Variants in DLG2 observed in about 807,000 individuals in gnomAD.
DLG2 encodes the protein disks large homolog 2.
A neutral mutation model predicts 132.5 loss-of-function variants in DLG2; 45 were observed. The observed-to-expected ratio is 0.34, with a 90% CI of 0.27 to 0.44. The LOEUF is 0.44. DLG2 is among the 20% of genes least tolerant of loss of function. DLG2 has a pLI of 1.00. For missense variants in DLG2, 1,045 were observed against 1,196.9 expected, an observed-to-expected ratio of 0.87 and a Z score of 1.87; for synonymous variants, 424 against 419.6, an observed-to-expected ratio of 1.01 and a Z score of -0.13.
At chr11:83,912,803 C>T (rs185607939) in intron 15 of DLG2, among the ~76,000 whole-genome samples, 1 of 152,124 alleles carries the variant, frequency 6.6e-6, no homozygotes, top group Non-Finnish European at 1.5e-5. Context: ...TGAATCAGCT[C>T]AACTCTATGG....
In DLG2 at chr11:83,457,671, G is replaced by A. The variant is rs1025763314; in HGVS notation, c.*2147C>T. ...CAGTTGAGAAACCAAAGAAGTTATC[G>A]TGGTGGCCTAAAAATAGAGCTGGGA... On this transcript the variant is annotated 3_prime_UTR_variant, in exon 28 of 28. Coordinates refer to ENST00000376104, the MANE Select transcript of DLG2 (RefSeq NM_001142699.3). 7 of 152,304 alleles carry A rather than the reference G, an allele frequency of 4.6e-5. No individual in the cohort carries two copies. Among genetic ancestry groups the A allele is most frequent in the South Asian group, 4.1e-4 (2 of 4,822 alleles). 9.4% of individuals were successfully genotyped at this position (152,304 alleles called of 1,614,324 possible).
chr11:84,149,139 T>A (rs1272850382), intron 9 of DLG2, among the ~76,000 whole-genome samples: 1 of 152,178 alleles, frequency 6.6e-6, no homozygotes, highest in Non-Finnish European at 1.5e-5. Context: ...AGATGTATAG[T>A]TTGCAGATTT....
chr11:84,158,133 G>C (rs979461292), intron 9 of DLG2, among the ~76,000 whole-genome samples: 1 of 151,350 alleles, frequency 6.6e-6, no homozygotes, highest in Non-Finnish European at 1.5e-5. Context: ...GCACCATCTT[G>C]GCTCACTGCA....
intron 6 of DLG2, among the ~76,000 whole-genome samples, chr11:84,664,202 T>C (rs1198279172): frequency 1.3e-5 from 2 of 152,172 alleles, no homozygotes; most frequent in Admixed American, 6.6e-5. Flanking sequence ...ATGTTAAATA[T>C]TAGCTGTGAA....
At chr11:83,820,845 T>C (rs1181207203) in intron 17 of DLG2, among the ~76,000 whole-genome samples, 1 of 152,176 alleles carries the variant, frequency 6.6e-6, no homozygotes, top group Non-Finnish European at 1.5e-5. Context: ...TGGTAAGTTA[T>C]TCATCCAGGA....
At chr11:84,898,647 T>C (rs1237723284) in intron 6 of DLG2, among the ~76,000 whole-genome samples, 1 of 151,952 alleles carries the variant, frequency 6.6e-6, no homozygotes, top group Non-Finnish European at 1.5e-5. Flanking sequence ...GCTCTTTTTT[T>C]GGCTTCCATT....
At chr11:85,489,360 T>C (rs1440629975) in intron 3 of DLG2, among the ~76,000 whole-genome samples, 1 of 152,094 alleles carries the variant, frequency 6.6e-6, no homozygotes, top group East Asian at 1.9e-4. Flanking sequence ...CAAGAGGATA[T>C]AATCATTCTA....
chr11:83,770,937 C>T (rs1029798652), intron 18 of DLG2, among the ~76,000 whole-genome samples: 3 of 152,086 alleles, frequency 2.0e-5, no homozygotes, highest in Admixed American at 6.5e-5. Context: ...CTATTAAAAA[C>T]GTTTTCTCTT....
chr11:84,976,662 T>C (rs1022435277), intron 6 of DLG2, among the ~76,000 whole-genome samples: 2 of 152,164 alleles, frequency 1.3e-5, no homozygotes, highest in South Asian at 2.1e-4. Flanking sequence ...ACAATAAAAA[T>C]ACACTATAGG....
At chr11:84,307,645 G>A (rs2098235417) in intron 7 of DLG2, among the ~76,000 whole-genome samples, 1 of 145,522 alleles carries the variant, frequency 6.9e-6, no homozygotes, top group Non-Finnish European at 1.5e-5. Context: ...GCAGTGAGCC[G>A]AGATCGCGCC....
At chr11:84,904,593 C>T (rs1007816724) in intron 6 of DLG2, among the ~76,000 whole-genome samples, 1 of 152,270 alleles carries the variant, frequency 6.6e-6, no homozygotes, top group South Asian at 2.1e-4. Context: ...GGGTTTGAAT[C>T]CCATTTGTCC....
chr11:85,386,345 A>C (rs2086320046), intron 3 of DLG2, among the ~76,000 whole-genome samples: 1 of 152,182 alleles, frequency 6.6e-6, no homozygotes, highest in African/African-American at 2.4e-5. Flanking sequence ...GTAAGATAAA[A>C]TAGTTTGATC....
intron 6 of DLG2, among the ~76,000 whole-genome samples, chr11:84,940,419 C>G (rs748092729): frequency 1.3e-5 from 2 of 152,192 alleles, no homozygotes; most frequent in Non-Finnish European, 2.9e-5. Flanking sequence ...TCCCAAAGTG[C>G]TGGGATTACA....
intron 7 of DLG2, among the ~76,000 whole-genome samples, chr11:84,421,066 GAA>G (rs370839922): frequency 1.3e-5 from 2 of 152,200 alleles, no homozygotes; most frequent in East Asian, 3.9e-4. Context: ...GGAGCCTCAT[GAA>G]TGGGATTGGT....
intron 3 of DLG2, among the ~76,000 whole-genome samples, chr11:85,454,247 T>A (rs1246749066): frequency 6.6e-6 from 1 of 151,976 alleles, no homozygotes; most frequent in Non-Finnish European, 1.5e-5. Flanking sequence ...CTGACTGGTA[T>A]GAGATGGTAT....
At chr11:85,260,062 T>C (rs149029917) in intron 4 of DLG2, among the ~76,000 whole-genome samples, 1 of 152,278 alleles carries the variant, frequency 6.6e-6, no homozygotes, top group African/African-American at 2.4e-5. Flanking sequence ...ATAAAAATTT[T>C]TGGTTTGAGT....
At chr11:85,488,322 GA>G (rs1297161554) in intron 3 of DLG2, among the ~76,000 whole-genome samples, 1 of 151,870 alleles carries the variant, frequency 6.6e-6, no homozygotes, top group Non-Finnish European at 1.5e-5. Flanking sequence ...CCAAGAGGCA[GA>G]GGTTGCAGTG....
intron 8 of DLG2, among the ~76,000 whole-genome samples, chr11:84,248,910 T>C (rs1358247582): frequency 6.6e-6 from 1 of 152,146 alleles, no homozygotes; most frequent in Non-Finnish European, 1.5e-5. Context: ...AAAATAATTT[T>C]TGAAGGACTC....
intron 21 of DLG2, among the ~76,000 whole-genome samples, chr11:83,490,854 A>G (rs1194355528): frequency 6.6e-6 from 1 of 152,050 alleles, no homozygotes; most frequent in East Asian, 1.9e-4. Context: ...AATAGGACCA[A>G]CAGAATGCAA....
Sources: gnomAD v4.1 joint callset for allele counts (sites outside exome capture counted in the v4.1 genomes callset) on GRCh38, gnomAD v4.1.1 for gene constraint, MANE v1.5 for transcripts, NCBI Gene and HGNC (gene_info 2026-07-23, HGNC 2026-07-21) for gene names.